SPATA13: variants seen among roughly 807,000 people sequenced by gnomAD.
SPATA13 encodes spermatogenesis-associated protein 13.
In SPATA13, 50 loss-of-function variants were observed where a neutral mutation model predicts 104.0. The ratio of observed to expected loss-of-function variants is 0.48; its 90% CI spans 0.38 to 0.61. The LOEUF is 0.61. Among genes scored for constraint, SPATA13 ranks in the 20% least tolerant of loss-of-function variants. SPATA13 has a pLI of 0.00. For missense variants in SPATA13, 1,524 were observed against 1,690.6 expected, an observed-to-expected ratio of 0.90 and a Z score of 1.73; for synonymous variants, 606 against 667.5, an observed-to-expected ratio of 0.91 and a Z score of 1.42.
At chr13:24,085,762 G>A (rs938030213) in intron 3 of SPATA13, among the ~76,000 whole-genome samples, 3 of 152,214 alleles carry the variant, frequency 2.0e-5, no homozygotes. Flanking sequence ...CTGTGGGAAT[G>A]CCAGCCTCTT....
At chr13:24,237,915 C>T (rs1034779033) in intron 2 of SPATA13, among the ~76,000 whole-genome samples, 3 of 142,302 alleles carry the variant, frequency 2.1e-5, no homozygotes. Flanking sequence ...TTTAAATATG[C>T]AATATATAAA....
rs1202243447 is a variant in SPATA13 at position 24,103,500 on chromosome 13, A to AC, written c.-112+85799_-112+85800insC. Among the ~76,000 whole-genome samples, 12 of 149,558 alleles carry AC rather than the reference A, an allele frequency of 8.0e-5. No homozygotes were observed. In the South Asian group the frequency reaches 2.3e-3, roughly 29 times the overall value. ...ACCCTGTCTCAAAAAAAAAAAAAAA[A>AC]AACAAGAAAGAAAAGAGCAGGGGAG... On this transcript the variant is annotated intron_variant, in intron 3 of 14. Transcript: ENST00000424834.
intron 3 of SPATA13, among the ~76,000 whole-genome samples, chr13:24,112,172 C>G (rs541954136): frequency 1.3e-5 from 2 of 152,216 alleles, no homozygotes; most frequent in African/African-American, 4.8e-5. Context: ...TTCTGCCCCC[C>G]ATTCCTTCTT....
intron 2 of SPATA13, chr13:23,984,069 C>A (rs1875037183): frequency 2.5e-6 from 1 of 401,084 alleles, no homozygotes; most frequent in Non-Finnish European, 3.4e-6. Context: ...CATTGAGCAA[C>A]TAACAAGGGT....
intron 1 of SPATA13, among the ~76,000 whole-genome samples, chr13:24,175,375 T>C (rs1883174406): frequency 6.6e-6 from 1 of 152,154 alleles, no homozygotes; most frequent in Non-Finnish European, 1.5e-5. Context: ...ATTGCCAATT[T>C]AGGGCAACTT....
rs9553235 is a variant in SPATA13 at position 24,298,403 on chromosome 13, A to G, written c.3583+668A>G. 3.5e-4 allele frequency among the ~76,000 whole-genome samples: 53 copies of G among 152,272 alleles called. No individual in the cohort carries two copies. The East Asian group carries it at 8.7e-3, about 25-fold the overall frequency. ...GATGGTACTTCACACCCAGTGTTAC[A>G]TTTGTACTTCTTTGGTTTGTCTTCC... On this transcript the variant is annotated intron_variant, in intron 11 of 12. Coordinates refer to ENST00000382108, the MANE Select transcript of SPATA13 (RefSeq NM_001166271.3).
intron 3 of SPATA13, among the ~76,000 whole-genome samples, chr13:24,081,806 T>C (rs1879529958): frequency 6.6e-6 from 1 of 152,252 alleles, no homozygotes; most frequent in East Asian, 1.9e-4. Context: ...ACAGCCATTT[T>C]TCACCATTTT....
chr13:24,064,009 G>C (rs551437048), intron 3 of SPATA13, among the ~76,000 whole-genome samples: 1 of 152,126 alleles, frequency 6.6e-6, no homozygotes, highest in Non-Finnish European at 1.5e-5. Flanking sequence ...TGGAGCAAAC[G>C]TGCCCTGGAT....
intron 4 of SPATA13, among the ~76,000 whole-genome samples, chr13:24,282,086 G>A (rs954170809): frequency 1.3e-5 from 2 of 152,198 alleles, no homozygotes; most frequent in East Asian, 3.9e-4. Flanking sequence ...TTGGTTGCTT[G>A]TGACAGCAGT....
intron 2 of SPATA13, among the ~76,000 whole-genome samples, chr13:24,016,630 T>A (rs1382021062): frequency 6.6e-6 from 1 of 152,196 alleles, no homozygotes; most frequent in Non-Finnish European, 1.5e-5. Flanking sequence ...TGCAGGGCTG[T>A]GGGGGTACCT....
At chr13:24,108,775 T>A (rs1456099875) in intron 3 of SPATA13, among the ~76,000 whole-genome samples, 1 of 152,058 alleles carries the variant, frequency 6.6e-6, no homozygotes, top group Admixed American at 6.5e-5. Context: ...CACAGTTCCT[T>A]GGGATTTTTC....
At chr13:24,143,547 T>G (rs1881831834) in intron 3 of SPATA13, among the ~76,000 whole-genome samples, 1 of 152,190 alleles carries the variant, frequency 6.6e-6, no homozygotes, top group Non-Finnish European at 1.5e-5. Flanking sequence ...AAGAAAAATG[T>G]GTTTTCTAAC....
At chr13:24,221,007 G>C in intron 1 of SPATA13, among the ~76,000 whole-genome samples, 1 of 152,186 alleles carries the variant, frequency 6.6e-6, no homozygotes, top group East Asian at 1.9e-4. Context: ...TTTGGCCTCT[G>C]TGGCCTTGGA....
At chr13:24,228,491 C>A (rs1009384479) in intron 2 of SPATA13, among the ~76,000 whole-genome samples, 1 of 152,144 alleles carries the variant, frequency 6.6e-6, no homozygotes, top group East Asian at 1.9e-4. Flanking sequence ...GCATCTTATA[C>A]ACTGGGAATG....
chr13:24,034,176 C>T (rs1453900328), intron 3 of SPATA13: 1 of 152,098 alleles, frequency 6.6e-6, no homozygotes, highest in Non-Finnish European at 1.5e-5. Context: ...ATGGGGAATT[C>T]CTGGAATTAT....
At chr13:24,012,053 C>T (rs1277382545) in intron 2 of SPATA13, among the ~76,000 whole-genome samples, 1 of 152,258 alleles carries the variant, frequency 6.6e-6, no homozygotes, top group Admixed American at 6.5e-5. Context: ...TGGTTTCTTG[C>T]AGCCATTGTG....
At chr13:24,241,920 G>A (rs1872858461) in intron 2 of SPATA13, among the ~76,000 whole-genome samples, 3 of 152,072 alleles carry the variant, frequency 2.0e-5, no homozygotes, top group African/African-American at 7.2e-5. Context: ...GGACCTGATG[G>A]TGCATGCCTG....
intron 1 of SPATA13, among the ~76,000 whole-genome samples, chr13:24,179,275 T>A (rs1175738958): frequency 6.6e-6 from 1 of 152,178 alleles, no homozygotes; most frequent in Non-Finnish European, 1.5e-5. Context: ...TGTTTTCATT[T>A]CTCTTGGGCA....
At chr13:24,010,967 C>T (rs1019001801) in intron 2 of SPATA13, among the ~76,000 whole-genome samples, 7 of 152,122 alleles carry the variant, frequency 4.6e-5, no homozygotes, top group Middle Eastern at 3.4e-3. Flanking sequence ...GGAGACCCCT[C>T]GGATTGTCCT....
Sources: allele counts gnomAD v4.1 joint callset (sites outside exome capture counted in the v4.1 genomes callset), GRCh38; gene constraint gnomAD v4.1.1; transcripts MANE v1.5; gene names NCBI Gene and HGNC (gene_info 2026-07-23, HGNC 2026-07-21).